Variants in RNF150 observed in about 807,000 individuals in gnomAD.
RNF150 encodes ring finger protein 150.
A neutral mutation model predicts 39.3 loss-of-function variants in RNF150; 24 were observed. That is an observed-to-expected ratio of 0.61 (90% CI 0.44 to 0.86). The LOEUF (loss-of-function observed/expected upper bound fraction) is 0.86. Among genes scored for constraint, RNF150 ranks in the 40% least tolerant of loss-of-function variants. RNF150 has a pLI of 0.00. For missense variants in RNF150, 502 were observed against 587.8 expected (o/e 0.85, Z 1.51); for synonymous variants, 255 against 227.3 (o/e 1.12, Z -1.10).
chr4:140,885,201 C>CTTTTTTTTTTTTTTTTTTTTT (rs752444379), intron 6 of RNF150, among the ~76,000 whole-genome samples: 1 of 129,142 alleles, frequency 7.7e-6, no homozygotes. Flanking sequence ...CAACATCAGT[C>CTTTTTTTTTTTTTTTTTTTTT]TTTTTTTTTT....
At chr4:140,906,985 G>A (rs184539285) in intron 6 of RNF150, among the ~76,000 whole-genome samples, 84 of 152,324 alleles carry the variant, frequency 5.5e-4, no homozygotes, top group Middle Eastern at 6.8e-3. Context: ...GAGATGTGGA[G>A]TGGCACTCAG....
At chr4:141,185,975 C>T (rs1301680908) in intron 1 of RNF150, among the ~76,000 whole-genome samples, 2 of 152,148 alleles carry the variant, frequency 1.3e-5, no homozygotes, top group South Asian at 2.1e-4. Flanking sequence ...TCATCAGGGA[C>T]ATTGGACTGA....
chr4:140,940,734 C>T (rs1391858065), intron 4 of RNF150, among the ~76,000 whole-genome samples: 1 of 152,172 alleles, frequency 6.6e-6, no homozygotes, highest in African/African-American at 2.4e-5. Flanking sequence ...GAACTCCCTT[C>T]TCCTTTTCCA....
intron 1 of RNF150, among the ~76,000 whole-genome samples, chr4:141,052,151 C>A (rs1054776129): frequency 6.6e-6 from 1 of 152,058 alleles, no homozygotes; most frequent in African/African-American, 2.4e-5. Context: ...AATCATCTCC[C>A]ACCACTTCCT....
chr4:141,029,576 T>C (rs190997884), intron 1 of RNF150, among the ~76,000 whole-genome samples: 1 of 152,332 alleles, frequency 6.6e-6, no homozygotes, highest in African/African-American at 2.4e-5. Flanking sequence ...TTTATGGGAA[T>C]GGGATAACCA....
intron 1 of RNF150, among the ~76,000 whole-genome samples, chr4:141,176,312 GATA>G (rs1251622814): frequency 6.6e-6 from 1 of 152,060 alleles, no homozygotes; most frequent in Non-Finnish European, 1.5e-5. Context: ...CACCTTGAGG[GATA>G]ATGTTTCAAC....
intron 1 of RNF150, among the ~76,000 whole-genome samples, chr4:141,162,272 A>C (rs1017960256): frequency 6.6e-6 from 1 of 152,174 alleles, no homozygotes; most frequent in Non-Finnish European, 1.5e-5. Context: ...TTTAAGATTT[A>C]ATGACTGCCC....
In RNF150 at chr4:140,871,008, A is replaced by C. The variant is rs578135390; in HGVS notation, c.1199-2629T>G. On this transcript the variant is annotated intron_variant, in intron 6 of 6. Transcript: ENST00000515673. Reference sequence around the variant, plus strand: ...TCTCTCTCTCTCTCTCTCTCTATATATATATATATGTATACACACACACAC... The same window carrying C: ...TCTCTCTCTCTCTCTCTCTCTATATCTATATATATGTATACACACACACAC... Among the ~76,000 whole-genome samples, 590 of 150,320 alleles carry C rather than the reference A, an allele frequency of 3.9e-3. 3 individuals carry two copies. Among genetic ancestry groups the C allele is most frequent in the South Asian group, 0.012 (59 of 4,770 alleles).
At chr4:140,963,012 C>G (rs1329111376) in intron 2 of RNF150, among the ~76,000 whole-genome samples, 1 of 151,794 alleles carries the variant, frequency 6.6e-6, no homozygotes, top group Non-Finnish European at 1.5e-5. Context: ...AAAATTTACT[C>G]AATATATATA....
At chr4:140,958,409 G>A (rs10857387) in intron 2 of RNF150, among the ~76,000 whole-genome samples, 77,965 of 151,810 alleles carry the variant, frequency 0.51, 20,376 homozygotes, top group African/African-American at 0.54. Context: ...CTGGCAACCC[G>A]CCCCTGGGTT....
At chr4:140,918,335 C>A (rs544321612) in intron 5 of RNF150, among the ~76,000 whole-genome samples, 4 of 151,090 alleles carry the variant, frequency 2.6e-5, no homozygotes, top group Non-Finnish European at 5.9e-5. Flanking sequence ...ATCAAATAGA[C>A]GCAATAAAAA....
chr4:140,981,508 C>A lies in RNF150; in HGVS notation c.485-13635G>T, dbSNP rs369480497. ...TTGGCACCACCATCATTCCTGACTT[C>A]GAATTTATATGCTACCAAAAAGCAA... On this transcript the variant is annotated intron_variant, in intron 1 of 6. Coordinates refer to ENST00000515673, the MANE Select transcript of RNF150 (RefSeq NM_020724.2). 7.9e-5 allele frequency among the ~76,000 whole-genome samples: 12 copies of A among 152,200 alleles called. No individual in the cohort carries two copies. In the South Asian group the frequency reaches 2.5e-3, roughly 32 times the overall value.
At chr4:140,955,974 T>G (rs1732735895) in intron 2 of RNF150, among the ~76,000 whole-genome samples, 1 of 152,224 alleles carries the variant, frequency 6.6e-6, no homozygotes, top group African/African-American at 2.4e-5. Context: ...AAAACTTTAC[T>G]GAATGTCATT....
intron 1 of RNF150, among the ~76,000 whole-genome samples, chr4:140,989,895 AT>A (rs2111476424): frequency 6.6e-6 from 1 of 152,344 alleles, no homozygotes; most frequent in East Asian, 1.9e-4. Flanking sequence ...AATTAAGAGC[AT>A]TTTAAATTCT....
chr4:141,082,984 T>C (rs573677944), intron 1 of RNF150, among the ~76,000 whole-genome samples: 28 of 152,370 alleles, frequency 1.8e-4, no homozygotes, highest in African/African-American at 6.7e-4. Flanking sequence ...AAAATATATG[T>C]ATAGTAAATA....
intron 1 of RNF150, among the ~76,000 whole-genome samples, chr4:141,020,372 G>A (rs1334588326): frequency 1.3e-5 from 2 of 152,092 alleles, no homozygotes; most frequent in African/African-American, 4.8e-5. Flanking sequence ...TCTAAGGTAA[G>A]GTAAAGGTGG....
intron 1 of RNF150, among the ~76,000 whole-genome samples, chr4:141,005,584 TCTATGCACTGCACAAGTA>T (rs1320046729): frequency 4.5e-4 from 69 of 152,218 alleles, no homozygotes; most frequent in Non-Finnish European, 2.9e-5. Flanking sequence ...GGTATGAGGG[TCTATGCACTGCACAAGTA>T]CTTAGAATAT....
chr4:141,048,802 A>G (rs1507186), intron 1 of RNF150, among the ~76,000 whole-genome samples: 7,111 of 152,262 alleles, frequency 0.047, 212 homozygotes, highest in East Asian at 0.17. Flanking sequence ...CTATTAATAC[A>G]TGACAAGAAG....
intron 1 of RNF150, among the ~76,000 whole-genome samples, chr4:141,096,899 G>A (rs1007062682): frequency 1.3e-5 from 2 of 152,168 alleles, no homozygotes; most frequent in Non-Finnish European, 2.9e-5. Context: ...ATCCCTAAAT[G>A]GGCTTCAAAA....
Sources: gnomAD v4.1 joint callset for allele counts (sites outside exome capture counted in the v4.1 genomes callset) on GRCh38, gnomAD v4.1.1 for gene constraint, MANE v1.5 for transcripts, NCBI Gene and HGNC (gene_info 2026-07-23, HGNC 2026-07-21) for gene names.